The following DARS2 variants were observed in gnomAD, a reference collection of about 807,000 sequenced individuals.
DARS2 encodes aspartate--tRNA ligase, mitochondrial.
In DARS2, 63 loss-of-function variants were observed where a neutral mutation model predicts 83.0. The observed-to-expected ratio is 0.76, with a 90% CI of 0.62 to 0.94. The LOEUF is 0.94. DARS2 is among the 40% of genes least tolerant of loss of function. The pLI, the probability that DARS2 is intolerant of heterozygous loss-of-function variation, is 0.00. For missense variants in DARS2, 675 were observed against 774.4 expected, an observed-to-expected ratio of 0.87 and a Z score of 1.52; for synonymous variants, 250 against 269.3, an observed-to-expected ratio of 0.93 and a Z score of 0.70.
Position 173,857,740 on chromosome 1 carries a change from G to T in DARS2, c.*35G>T. The T allele has an allele frequency of 1.2e-6, 2 of 1,612,666 alleles. No homozygotes were observed. Among genetic ancestry groups the T allele is most frequent in the African/African-American group, 2.7e-5 (2 of 75,030 alleles). On this transcript the variant is annotated 3_prime_UTR_variant, in exon 17 of 17. Coordinates refer to ENST00000649689, the MANE Select transcript of DARS2 (RefSeq NM_018122.5). ...ACCATGCAGAAAGTTGAGCTTTTAG[G>T]TTTTGTCCTCTTTGCTTCCCCAAGG... is the stretch of plus-strand genomic sequence containing the variant.
chr1:173,845,918 G>A (rs1425411799), intron 12 of DARS2, among the ~76,000 whole-genome samples: 1 of 152,200 alleles, frequency 6.6e-6, no homozygotes, highest in African/African-American at 2.4e-5. Flanking sequence ...AGCACTTTGG[G>A]AGGGCAAGAC....
intron 6 of DARS2, among the ~76,000 whole-genome samples, chr1:173,834,208 A>C (rs1413365870): frequency 1.3e-5 from 2 of 152,236 alleles, no homozygotes; most frequent in Admixed American, 1.3e-4. Context: ...TTAAAAAATC[A>C]GAATAGTTCA....
chr1:173,826,875 A>C (rs933896629), intron 2 of DARS2, 89 bp downstream of exon 2: 13 of 1,008,890 alleles, frequency 1.3e-5, no homozygotes, highest in Non-Finnish European at 2.0e-5. Context: ...CAGTCCGAAG[A>C]ATAAAACGTT....
chr1:173,852,427 C>T (rs1444807024), intron 13 of DARS2: 1 of 216,980 alleles, frequency 4.6e-6, no homozygotes, highest in Non-Finnish European at 7.8e-6. Flanking sequence ...TGCTCACAGT[C>T]ACACAGCTAG....
intron 5 of DARS2, among the ~76,000 whole-genome samples, chr1:173,832,343 G>A (rs933440367): frequency 1.3e-5 from 2 of 152,174 alleles, no homozygotes; most frequent in Non-Finnish European, 2.9e-5. Context: ...AAAGAGCAAT[G>A]TAATTATAGA....
At position 173,836,920 on chromosome 1, in the gene DARS2, T is replaced by C; in HGVS notation, c.664-20T>C. ...GTTTTTTAATAATCTGTCTTCTCTC[T>C]CTTTCTCTCTCTTTGAAAGGGTGCC... On this transcript the variant is annotated intron_variant, in intron 7 of 16. Coordinates refer to ENST00000649689, the MANE Select transcript of DARS2 (RefSeq NM_018122.5). 1 of 1,600,550 alleles carries C rather than the reference T, an allele frequency of 6.2e-7. No homozygotes were observed.
chr1:173,854,519 C>T (rs2102663467), intron 15 of DARS2, among the ~76,000 whole-genome samples: 1 of 151,920 alleles, frequency 6.6e-6, no homozygotes, highest in East Asian at 1.9e-4. Context: ...GATAAATATC[C>T]TTATTCTGCC....
intron 8 of DARS2, 28 bp from the exon 9 acceptor site, chr1:173,838,162 C>A: frequency 1.3e-6 from 2 of 1,563,640 alleles, no homozygotes; most frequent in Non-Finnish European, 1.8e-6. Context: ...AGAATCATAA[C>A]TCAATTAATG....
intron 11 of DARS2, among the ~76,000 whole-genome samples, chr1:173,842,040 A>C (rs1229723155): frequency 2.6e-5 from 4 of 152,056 alleles, no homozygotes; most frequent in Non-Finnish European, 4.4e-5. Context: ...AGCAAAAAGG[A>C]AGGGGAAGAA....
chr1:173,849,443 A>G (rs1365998933), intron 12 of DARS2, among the ~76,000 whole-genome samples: 1 of 151,304 alleles, frequency 6.6e-6, no homozygotes, highest in African/African-American at 2.4e-5. Flanking sequence ...CTGAGGCAGG[A>G]GAATTGCTTG....
chr1:173,856,634 A>G (rs1281390975), intron 15 of DARS2, 32 bp from the exon 16 acceptor site: 3 of 1,605,466 alleles, frequency 1.9e-6, no homozygotes, highest in East Asian at 4.5e-5. Flanking sequence ...CCTTCAAAAT[A>G]TATTTAAACT....
At chr1:173,852,754 C>T (rs1421658866) in intron 13 of DARS2, among the ~76,000 whole-genome samples, 4 of 152,112 alleles carry the variant, frequency 2.6e-5, no homozygotes, top group East Asian at 1.9e-4. Context: ...CCGCCCGCCT[C>T]GGCCTCCCAA....
At chr1:173,849,292 G>C (rs551799804) in intron 12 of DARS2, among the ~76,000 whole-genome samples, 2 of 152,004 alleles carry the variant, frequency 1.3e-5, no homozygotes, top group South Asian at 4.1e-4. Context: ...CCAGCACTTT[G>C]GGAGGCCAAG....
At chr1:173,852,284 A>C in intron 13 of DARS2, 1 of 981,392 alleles carries the variant, frequency 1.0e-6, no homozygotes, top group Non-Finnish European at 1.2e-6. Flanking sequence ...TTAAGCACTT[A>C]GTATTTGCCA....
intron 12 of DARS2, 44 bp downstream of exon 12, chr1:173,845,335 A>G: frequency 1.5e-6 from 2 of 1,330,740 alleles, no homozygotes; most frequent in Non-Finnish European, 2.2e-6. Flanking sequence ...TACAGATTCA[A>G]TATTTTTAAC....
intron 11 of DARS2, 90 bp from the exon 12 acceptor site, chr1:173,845,137 GAC>G: frequency 1.2e-6 from 1 of 846,338 alleles, no homozygotes; most frequent in Non-Finnish European, 2.0e-6. Flanking sequence ...GTAATAGAAA[GAC>G]ACAAAATATA....
intron 7 of DARS2, among the ~76,000 whole-genome samples, chr1:173,834,890 T>A (rs1047757754): frequency 6.7e-6 from 1 of 149,442 alleles, no homozygotes; most frequent in Non-Finnish European, 1.5e-5. Context: ...GCGATTCTCA[T>A]GGCTCAGCCT....
At chr1:173,844,860 C>T (rs941399846) in intron 11 of DARS2, among the ~76,000 whole-genome samples, 3 of 120,860 alleles carry the variant, frequency 2.5e-5, no homozygotes, top group Non-Finnish European at 4.8e-5. Context: ...GTGGCACAAT[C>T]TCGGCTCACT....
chr1:173,836,404 G>C (rs1653006513), intron 7 of DARS2, among the ~76,000 whole-genome samples: 1 of 150,660 alleles, frequency 6.6e-6, no homozygotes, highest in South Asian at 2.1e-4. Flanking sequence ...GCGGGGCATG[G>C]TGGTGGCAGG....
Sources: allele counts gnomAD v4.1 joint callset (sites outside exome capture counted in the v4.1 genomes callset), GRCh38; gene constraint gnomAD v4.1.1; transcripts MANE v1.5; gene names NCBI Gene and HGNC (gene_info 2026-07-23, HGNC 2026-07-21).